The following PITPNM2 variants were observed in gnomAD, a reference collection of about 807,000 sequenced individuals.
PITPNM2 encodes the protein membrane-associated phosphatidylinositol transfer protein 2.
PITPNM2 carries 35 observed loss-of-function variants against 132.2 expected under a neutral mutation model. The observed-to-expected ratio is 0.26, with a 90% CI of 0.20 to 0.35. PITPNM2 has a LOEUF of 0.35. Among genes scored for constraint, PITPNM2 ranks in the 10% least tolerant of loss-of-function variants. The probability of loss-of-function intolerance (pLI) is 1.00; values close to 1 mark genes in which losing one functional copy is unlikely to be tolerated. For synonymous variants in PITPNM2, 738 were observed against 799.2 expected (o/e 0.92, Z 1.29); for missense variants, 1,332 against 1,912.0 (o/e 0.70, Z 5.66).
chr12:123,114,989 G>A (rs1169838871), intron 1 of PITPNM2, among the ~76,000 whole-genome samples: 1 of 152,178 alleles, frequency 6.6e-6, no homozygotes, highest in Non-Finnish European at 1.5e-5. Flanking sequence ...GAGCAGTGGG[G>A]ACTCAGGGAA....
chr12:122,996,738 T>C lies in PITPNM2; in HGVS notation c.1645A>G (p.Met549Val), dbSNP rs916486729. The C allele has an allele frequency of 2.7e-5, 43 of 1,611,440 alleles. No individual in the cohort carries two copies. The highest frequency in any genetic ancestry group is 3.5e-5 in the Non-Finnish European group (41 of 1,179,344). ...GGACTCACCTGCCCATTGAAGGTCATGCCCTCCTGGGACTTGATGAAGTCC... is the reference window on the plus strand; with the variant it reads ...GGACTCACCTGCCCATTGAAGGTCACGCCCTCCTGGGACTTGATGAAGTCC... ...YGDFIKSQEGMTFNGQVCLIG... is the reference protein window; with the variant it reads ...YGDFIKSQEGVTFNGQVCLIG... Residue 549 changes from methionine to valine, a missense_variant, in exon 12 of 26, where the codon ATG (methionine) becomes GTG (valine). Physicochemically the swap from Met to Val is conservative, Grantham distance 21. Transcript: ENST00000320201.
At chr12:123,019,823 T>A (rs2039596705) in intron 3 of PITPNM2, among the ~76,000 whole-genome samples, 1 of 152,076 alleles carries the variant, frequency 6.6e-6, no homozygotes, top group Non-Finnish European at 1.5e-5. Context: ...ACAACTATCA[T>A]GTGATTAGAA....
In PITPNM2 at chr12:123,082,369, C is replaced by T. The variant is rs1382886453; in HGVS notation, c.-96+28016G>A. Reference sequence around the variant, plus strand: ...AGAGCGTTGATCGTTATCTAGTACCCGACTTACTTTTCTTTCTTCTTTCCT... The same window carrying T: ...AGAGCGTTGATCGTTATCTAGTACCTGACTTACTTTTCTTTCTTCTTTCCT... On this transcript the variant is annotated intron_variant, in intron 2 of 25. Transcript: ENST00000320201. This position sits in a 1 kb window ranked among gnomAD's most constrained non-coding sequence, Gnocchi z 5.4. Among the ~76,000 whole-genome samples, 1 of 152,176 alleles carries T rather than the reference C, an allele frequency of 6.6e-6. No individual in the cohort carries two copies. The highest frequency in any genetic ancestry group is 1.5e-5 in the Non-Finnish European group (1 of 68,028).
chr12:122,995,261 G>A, intron 14 of PITPNM2, 128 bp downstream of exon 14: 1 of 1,346,188 alleles, frequency 7.4e-7, no homozygotes, highest in Non-Finnish European at 9.9e-7. Context: ...TGGGATTCCA[G>A]GTCTCAGGCT....
At chr12:123,151,742 C>T (rs2043765634), upstream of PITPNM2, among the ~76,000 whole-genome samples, 1 of 152,168 alleles carries the variant, frequency 6.6e-6, no homozygotes, top group Non-Finnish European at 1.5e-5. Context: ...CGCCTGGTGA[C>T]ATTCCTTAAA....
chr12:123,013,997 T>C lies in PITPNM2; in HGVS notation c.124A>G (p.Ile42Val). ...ETYGEGSGVE[I>V]LENRPYTDGP... ...TCTGTGTACGGCCGGTTCTCCAGGA[T>C]CTCCACGCCGCTGCCTTCGCCATAT... Residue 42 changes from isoleucine to valine, a missense_variant, in exon 4 of 26, where the codon ATC (isoleucine) becomes GTC (valine). Around this residue, in one of 6 missense-constraint regions of PITPNM2, gnomAD observed 83 missense variants for 118.7 expected, o/e 0.70. Coordinates refer to ENST00000320201, the MANE Select transcript of PITPNM2 (RefSeq NM_020845.3). 2 of 1,614,214 alleles carry C rather than the reference T, an allele frequency of 1.2e-6. No individual in the cohort carries two copies. The highest frequency in any genetic ancestry group is 8.5e-7 in the Non-Finnish European group (1 of 1,180,042).
Position 123,110,943 on chromosome 12 carries a change from G to A in PITPNM2, c.-199-455C>T, listed in dbSNP as rs7953036. ...TCCGAGAGGATGGCGTCCTGATGCC[G>A]GGACAGGGGCATGGTCATATTGTGG... On this transcript the variant is annotated intron_variant, in intron 1 of 25. Coordinates refer to ENST00000320201, the MANE Select transcript of PITPNM2 (RefSeq NM_020845.3). Among the ~76,000 whole-genome samples the A allele has an allele frequency of 5.3e-5, 8 of 152,350 alleles. No individual in the cohort carries two copies. In the East Asian group the frequency reaches 1.2e-3, roughly 22 times the overall value.
At position 122,994,193 on chromosome 12, in the gene PITPNM2, C is replaced by A. The variant is rs1453737783; in HGVS notation, c.2233+608G>T. Among the ~76,000 whole-genome samples, 2 of 152,244 alleles carry A rather than the reference C, an allele frequency of 1.3e-5. No individual in the cohort carries two copies. The highest frequency in any genetic ancestry group is 2.9e-5 in the Non-Finnish European group (2 of 68,046). ...CGGCCAGCTCTGCATTTTTAACCTG[C>A]ACTTGGCAAGCATCTAAACCTCTCT... On this transcript the variant is annotated intron_variant, in intron 15 of 25. Transcript: ENST00000320201. The surrounding 1 kb of genome is among the most constrained non-coding windows in gnomAD (Gnocchi z 5.4).
intron 2 of PITPNM2, among the ~76,000 whole-genome samples, chr12:123,094,455 T>C (rs1272550534): frequency 2.0e-5 from 3 of 152,222 alleles, no homozygotes; most frequent in Non-Finnish European, 4.4e-5. Context: ...CTGCCAGGCT[T>C]GTCCTCCGGC....
Position 122,992,650 on chromosome 12 carries a change from G to A in PITPNM2, c.2253C>T (p.Ala751=), listed in dbSNP as rs2038244752. 2 of 1,567,534 alleles carry A rather than the reference G, an allele frequency of 1.3e-6. No individual in the cohort carries two copies. Among genetic ancestry groups the A allele is most frequent in the Non-Finnish European group, 1.7e-6 (2 of 1,153,548 alleles). ...PALDVFQLRP[A]CQQVYNLFHP... is the part of the protein sequence containing the mutation. ...GGAAGAGGTTGTAGACTTGCTGGCA[G>A]GCCGGCCGCAGCTGGAAAACTGGGG... Residue 751 remains alanine (A), a synonymous_variant, in exon 16 of 26, where the codon GCC becomes GCT. Coordinates refer to ENST00000320201, the MANE Select transcript of PITPNM2 (RefSeq NM_020845.3). The surrounding 1 kb of genome is among the most constrained non-coding windows in gnomAD (Gnocchi z 6.5).
intron 1 of PITPNM2, among the ~76,000 whole-genome samples, chr12:123,134,593 G>T (rs1476775991): frequency 6.6e-6 from 1 of 151,736 alleles, no homozygotes; most frequent in Non-Finnish European, 1.5e-5. Flanking sequence ...AACATGAAGT[G>T]TTCCTTCTTG....
Position 123,004,015 on chromosome 12 carries a change from G to A in PITPNM2, c.1048+379C>T, listed in dbSNP as rs1011094661. 6.6e-6 allele frequency among the ~76,000 whole-genome samples: 1 copy of A among 152,222 alleles called. No individual in the cohort carries two copies. The highest frequency in any genetic ancestry group is 1.5e-5 in the Non-Finnish European group (1 of 68,044). ...ATTAATTTAATCAAGAAGAAATAAG[G>A]TAAGTACAAAAAATTAGAAAATTAA... On this transcript the variant is annotated intron_variant, in intron 8 of 25. Transcript: ENST00000320201. The surrounding 1 kb of genome is among the most constrained non-coding windows in gnomAD (Gnocchi z 4.9).
chr12:123,030,215 A>G (rs1302502721), intron 3 of PITPNM2, among the ~76,000 whole-genome samples: 1 of 152,118 alleles, frequency 6.6e-6, no homozygotes, highest in Non-Finnish European at 1.5e-5. Context: ...CATTTATTTA[A>G]AAAGAGGACA....
chr12:123,000,790 C>T lies in PITPNM2; in HGVS notation c.1212G>A (p.Leu404=). The T allele has an allele frequency of 1.2e-6, 2 of 1,614,024 alleles. No individual in the cohort carries two copies. Among genetic ancestry groups the T allele is most frequent in the African/African-American group, 1.3e-5 (1 of 75,078 alleles). ...CCCGGGCACCCACCTCTATGATGTT[C>T]AGCTGCTCCACACTGGAGGCCACCC... ...EFRVASSVEQ[L]NIIEDEVSQP... Residue 404 remains leucine, a synonymous_variant, in exon 10 of 26, where the codon CTG becomes CTA. Coordinates refer to ENST00000320201, the MANE Select transcript of PITPNM2 (RefSeq NM_020845.3). This position sits in a 1 kb window ranked among gnomAD's most constrained non-coding sequence, Gnocchi z 5.4.
chr12:123,052,507 CT>C (rs750553253), intron 2 of PITPNM2, among the ~76,000 whole-genome samples: 3 of 152,118 alleles, frequency 2.0e-5, no homozygotes, highest in Non-Finnish European at 4.4e-5. Flanking sequence ...GTAATCCTAG[CT>C]ACTTGGGAAG....
chr12:122,999,751 C>G (rs2136150137), intron 10 of PITPNM2, among the ~76,000 whole-genome samples: 1 of 152,294 alleles, frequency 6.6e-6, no homozygotes, highest in Non-Finnish European at 1.5e-5. Context: ...AGTGTCTCCA[C>G]AAGGCAAGGA....
chr12:122,988,648 C>T, intron 19 of PITPNM2, 76 bp downstream of exon 19: 4 of 1,440,848 alleles, frequency 2.8e-6, no homozygotes, highest in Non-Finnish European at 3.7e-6. Flanking sequence ...CCCACTGTCC[C>T]CTCGTCTGTG....
At chr12:123,134,806 T>C (rs1371408034) in intron 1 of PITPNM2, among the ~76,000 whole-genome samples, 1 of 152,174 alleles carries the variant, frequency 6.6e-6, no homozygotes, top group African/African-American at 2.4e-5. Context: ...AATTTGAATC[T>C]GTTAGCCATG....
chr12:123,045,554 T>C (rs144998353), intron 2 of PITPNM2, among the ~76,000 whole-genome samples: 1 of 152,346 alleles, frequency 6.6e-6, no homozygotes, highest in African/African-American at 2.4e-5. Context: ...AGTTTTTCCC[T>C]GGACAAGGTT....
Sources: gnomAD v4.1 joint callset for allele counts (sites outside exome capture counted in the v4.1 genomes callset) on GRCh38, gnomAD v4.1.1 for gene constraint, gnomAD v4.1.1 regional missense constraint, Gnocchi (gnomAD v3.1) non-coding constraint, MANE v1.5 for transcripts, NCBI Gene and HGNC (gene_info 2026-07-23, HGNC 2026-07-21) for gene names.